DNAH14: variants seen among roughly 807,000 people sequenced by gnomAD.
The protein encoded by DNAH14 is axonemal beta dynein heavy chain 14.
Under a neutral mutation model 520.9 loss-of-function variants are expected in DNAH14, and 478 were observed. The observed-to-expected ratio is 0.92, with a 90% CI of 0.85 to 0.99. The LOEUF (loss-of-function observed/expected upper bound fraction) is 0.99. Ranked by LOEUF, DNAH14 falls within the 50% of genes least tolerant of loss-of-function variation. The pLI, the probability that DNAH14 is intolerant of heterozygous loss-of-function variation, is 0.00. For synonymous variants in DNAH14, 1,581 were observed against 1,757.2 expected (o/e 0.90, Z 2.51); for missense variants, 4,831 against 5,234.5 (o/e 0.92, Z 2.38).
At chr1:225,043,214 G>T (rs2456353) in intron 13 of DNAH14, 100 bp downstream of exon 13, 1 of 1,095,256 alleles carries the variant, frequency 9.1e-7, no homozygotes, top group Non-Finnish European at 1.2e-6. Flanking sequence ...AGGATCACTT[G>T]ATGCCAGAAG....
intron 35 of DNAH14, among the ~76,000 whole-genome samples, chr1:225,160,667 T>C (rs377667855): frequency 6.6e-6 from 1 of 152,188 alleles, no homozygotes. Context: ...TTTTAAAATA[T>C]AGAGTTCAAC....
At chr1:225,159,173 C>A in intron 34 of DNAH14, 141 bp from the exon 35 acceptor site, 2 of 659,630 alleles carry the variant, frequency 3.0e-6, no homozygotes, top group Non-Finnish European at 2.5e-6. Context: ...CCACCCAAAC[C>A]ATATGGCTGC....
In DNAH14 at chr1:225,252,376, G is replaced by A. The variant is rs2092586899; in HGVS notation, c.6824G>A (p.Trp2275Ter). 3 of 1,547,820 alleles carry A rather than the reference G, an allele frequency of 1.9e-6. No homozygotes were observed. The highest frequency in any genetic ancestry group is 2.6e-6 in the Non-Finnish European group (3 of 1,144,436). ...ATAGAGCAATGTGAATTCATACCTT[G>A]GTCAGATTTAGTTCCTAATGATCAG... ...VDIEQCEFIP[W>*]SDLVPNDQTL... The change falls in exon 44 of 86, where the codon TGG (tryptophan) becomes TAG (stop). Residue 2275 changes from tryptophan (W) to a stop codon, truncating the protein, a stop_gained. Coordinates refer to ENST00000682510, the MANE Select transcript of DNAH14 (RefSeq NM_001367479.1). LOFTEE classifies it high-confidence loss of function.
chr1:225,137,957 A>AC (rs2079101508), intron 27 of DNAH14, among the ~76,000 whole-genome samples: 1 of 151,646 alleles, frequency 6.6e-6, no homozygotes, highest in Admixed American at 6.6e-5. Context: ...AGAACTGGAG[A>AC]CCCCCCTAGT....
intron 10 of DNAH14, among the ~76,000 whole-genome samples, chr1:225,017,475 G>T (rs1394805589): frequency 2.6e-5 from 4 of 152,194 alleles, no homozygotes; most frequent in Non-Finnish European, 5.9e-5. Flanking sequence ...TTTGCTGGCA[G>T]CCCCCTGCCA....
chr1:224,959,121 A>G (rs984692869), intron 3 of DNAH14, among the ~76,000 whole-genome samples: 1 of 152,102 alleles, frequency 6.6e-6, no homozygotes, highest in African/African-American at 2.4e-5. Flanking sequence ...CAACTAAGGT[A>G]GAGAGGTCAG....
intron 29 of DNAH14, 119 bp from the exon 30 acceptor site, chr1:225,145,207 C>A: frequency 1.5e-6 from 1 of 662,148 alleles, no homozygotes; most frequent in Non-Finnish European, 2.4e-6. Flanking sequence ...ATTTTTAATT[C>A]ATCTCCATAT....
intron 55 of DNAH14, among the ~76,000 whole-genome samples, chr1:225,291,735 T>C (rs1444867769): frequency 6.6e-6 from 1 of 152,126 alleles, no homozygotes; most frequent in East Asian, 1.9e-4. Flanking sequence ...TCACCATCAT[T>C]TGCTATTTTT....
intron 8 of DNAH14, among the ~76,000 whole-genome samples, chr1:224,984,213 G>T (rs972708391): frequency 1.3e-5 from 2 of 152,132 alleles, no homozygotes. Flanking sequence ...CAATGAAACA[G>T]AAGAGAGAAC....
At chr1:225,243,721 G>T (rs2092107408) in intron 43 of DNAH14, among the ~76,000 whole-genome samples, 1 of 151,892 alleles carries the variant, frequency 6.6e-6, no homozygotes, top group African/African-American at 2.4e-5. Flanking sequence ...GACAAAGAAA[G>T]TCTTATCAGC....
At chr1:225,010,358 G>T (rs909941690) in intron 10 of DNAH14, among the ~76,000 whole-genome samples, 3 of 152,016 alleles carry the variant, frequency 2.0e-5, no homozygotes, top group Non-Finnish European at 4.4e-5. Context: ...ATAATCATGT[G>T]GATTTCATCA....
intron 23 of DNAH14, among the ~76,000 whole-genome samples, chr1:225,103,371 G>A (rs571402898): frequency 1.5e-4 from 23 of 152,236 alleles, no homozygotes; most frequent in Middle Eastern, 3.4e-3. Context: ...TTGACAATGC[G>A]GGCTCTTTTT....
chr1:224,982,184 A>T (rs540913857), intron 8 of DNAH14, among the ~76,000 whole-genome samples: 1 of 152,284 alleles, frequency 6.6e-6, no homozygotes, highest in East Asian at 1.9e-4. Flanking sequence ...TAACCATGTT[A>T]ATTATCCACA....
At chr1:224,961,370 T>C (rs1472274321) in intron 4 of DNAH14, 1 of 152,200 alleles carries the variant, frequency 6.6e-6, no homozygotes, top group Non-Finnish European at 1.5e-5. Context: ...TAATTTGTTA[T>C]GCATTGTATT....
chr1:225,303,020 C>T, intron 56 of DNAH14, 136 bp from the exon 57 acceptor site: 1 of 645,098 alleles, frequency 1.6e-6, no homozygotes, highest in Non-Finnish European at 2.5e-6. Flanking sequence ...GGCAGGCACT[C>T]CATGCACAAA....
rs116637589 is a variant in DNAH14 at position 225,287,930 on chromosome 1, G to T, written c.8272-1955G>T. ...AAGTGGTATTAAATAATAATCCAAA[G>T]TGTATAATAAATATCCATGGGCCCA... On this transcript the variant is annotated intron_variant, in intron 54 of 85. Transcript: ENST00000682510. 4.7e-3 allele frequency among the ~76,000 whole-genome samples: 717 copies of T among 152,198 alleles called. 4 individuals carry two copies. Among genetic ancestry groups the T allele is most frequent in the African/African-American group, 0.016 (681 of 41,542 alleles).
chr1:224,937,672 C>T (rs1396714710), intron 1 of DNAH14, among the ~76,000 whole-genome samples: 2 of 152,064 alleles, frequency 1.3e-5, no homozygotes, highest in Non-Finnish European at 2.9e-5. Context: ...ATACCAATGA[C>T]ATCCTGCACA....
At chr1:225,249,279 G>A (rs1477043683) in intron 43 of DNAH14, among the ~76,000 whole-genome samples, 8 of 152,122 alleles carry the variant, frequency 5.3e-5, no homozygotes, top group Non-Finnish European at 1.0e-4. Context: ...GGTGATGGTG[G>A]ACTATAATAA....
chr1:225,245,135 G>C (rs1361585765), intron 43 of DNAH14, among the ~76,000 whole-genome samples: 1 of 152,148 alleles, frequency 6.6e-6, no homozygotes, highest in Non-Finnish European at 1.5e-5. Flanking sequence ...AGGTTGCTCA[G>C]TTTCCATGTA....
Sources: gnomAD v4.1 joint callset for allele counts (sites outside exome capture counted in the v4.1 genomes callset) on GRCh38, gnomAD v4.1.1 for gene constraint, MANE v1.5 for transcripts, NCBI Gene and HGNC (gene_info 2026-07-23, HGNC 2026-07-21) for gene names.